ZNF148: variants seen among roughly 807,000 people sequenced by gnomAD.
The protein encoded by ZNF148 is Beta-Enolase Repressor Factor-1.
In ZNF148, 7 loss-of-function variants were observed where a neutral mutation model predicts 67.7. The observed-to-expected ratio is 0.10, with a 90% CI of 0.06 to 0.19. The LOEUF (loss-of-function observed/expected upper bound fraction) is 0.19. ZNF148 is among the 10% of genes least tolerant of loss of function. The pLI is 1.00. For missense variants in ZNF148, 583 were observed against 947.1 expected (o/e 0.62, Z 5.05); for synonymous variants, 333 against 330.7 (o/e 1.01, Z -0.08).
At chr3:125,343,644 A>G (rs1481468532) in intron 1 of ZNF148, among the ~76,000 whole-genome samples, 3 of 152,176 alleles carry the variant, frequency 2.0e-5, no homozygotes, top group Non-Finnish European at 4.4e-5. Context: ...TAGCACAGAA[A>G]CAGAACATGG....
intron 4 of ZNF148, among the ~76,000 whole-genome samples, chr3:125,298,346 TACACACACACACAC>T (rs141809192): frequency 2.7e-5 from 4 of 145,654 alleles, no homozygotes; most frequent in African/African-American, 1.0e-4. Flanking sequence ...TAAATGTGCA[TACACACACACACAC>T]ACACACACAC....
At position 125,355,161 on chromosome 3, in the gene ZNF148, C is replaced by G. The variant is rs984070273; in HGVS notation, c.-234+19941G>C. On this transcript the variant is annotated intron_variant, in intron 1 of 8. Transcript: ENST00000360647. Reference sequence around the variant, plus strand: ...AATGTTCTAATATATACTTCATAACCTTTGACCCATGATCATTCTAATGAC... The same window carrying G: ...AATGTTCTAATATATACTTCATAACGTTTGACCCATGATCATTCTAATGAC... Among the ~76,000 whole-genome samples, 16 of 152,168 alleles carry G rather than the reference C, an allele frequency of 1.1e-4. 1 individual carries two copies. The highest frequency in any genetic ancestry group is 3.4e-4 in the African/African-American group (14 of 41,454).
chr3:125,273,276 AG>A (rs1937857062), intron 7 of ZNF148, among the ~76,000 whole-genome samples: 2 of 152,204 alleles, frequency 1.3e-5, no homozygotes, highest in Non-Finnish European at 2.9e-5. Flanking sequence ...TGTGAATAAA[AG>A]TCATAGTAAA....
chr3:125,235,624 A>C (rs1936049054), intron 7 of ZNF148, among the ~76,000 whole-genome samples: 1 of 152,142 alleles, frequency 6.6e-6, no homozygotes, highest in Admixed American at 6.5e-5. Context: ...TCATTGAGTT[A>C]AACTTTTTTT....
At chr3:125,359,392 T>C (rs1406071953) in intron 1 of ZNF148, among the ~76,000 whole-genome samples, 3 of 152,220 alleles carry the variant, frequency 2.0e-5, no homozygotes, top group Non-Finnish European at 4.4e-5. Flanking sequence ...TGTTTCTACA[T>C]TAAATATGCT....
intron 7 of ZNF148, among the ~76,000 whole-genome samples, chr3:125,273,029 T>A (rs1937841079): frequency 6.6e-6 from 1 of 152,218 alleles, no homozygotes; most frequent in African/African-American, 2.4e-5. Flanking sequence ...TTTAACATTT[T>A]CTTTCATAAG....
intron 1 of ZNF148, chr3:125,339,017 G>T (rs1941610547): frequency 6.6e-6 from 1 of 152,180 alleles, no homozygotes. Context: ...ATACTAAGAA[G>T]TAGCTGCAAA....
intron 7 of ZNF148, among the ~76,000 whole-genome samples, chr3:125,262,477 T>C (rs1937390492): frequency 6.6e-6 from 1 of 152,216 alleles, no homozygotes. Context: ...AGGAAGTACA[T>C]AAAACAGCAT....
chr3:125,292,876 G>C (rs1393193721), intron 4 of ZNF148: 1 of 152,046 alleles, frequency 6.6e-6, no homozygotes. Context: ...TTTTACAGAG[G>C]CTAATTAAAA....
chr3:125,323,486 G>A, intron 2 of ZNF148, 42 bp from the exon 3 acceptor site: 2 of 643,740 alleles, frequency 3.1e-6, no homozygotes, highest in Non-Finnish European at 5.5e-6. Flanking sequence ...TTTATGGTAG[G>A]AAAAGATACT....
At chr3:125,348,079 A>T (rs1463189027) in intron 1 of ZNF148, among the ~76,000 whole-genome samples, 1 of 145,934 alleles carries the variant, frequency 6.9e-6, no homozygotes, top group African/African-American at 2.6e-5. Context: ...ACATGGCAAA[A>T]CGTCATTTCT....
intron 7 of ZNF148, among the ~76,000 whole-genome samples, chr3:125,261,393 A>C (rs929439704): frequency 2.6e-5 from 4 of 152,236 alleles, no homozygotes; most frequent in Non-Finnish European, 4.4e-5. Flanking sequence ...TAACACAGTC[A>C]GGTGAATAAA....
At chr3:125,329,981 G>C (rs552485743) in intron 2 of ZNF148, among the ~76,000 whole-genome samples, 3 of 152,244 alleles carry the variant, frequency 2.0e-5, no homozygotes, top group African/African-American at 4.8e-5. Context: ...ACTGAATGGG[G>C]AAGGGTTGGA....
chr3:125,248,190 T>C (rs1343885369), intron 7 of ZNF148, among the ~76,000 whole-genome samples: 1 of 152,252 alleles, frequency 6.6e-6, no homozygotes. Context: ...AGTGAATTCT[T>C]ACCAAACACA....
At chr3:125,261,825 G>GC (rs35313913) in intron 7 of ZNF148, among the ~76,000 whole-genome samples, 5,807 of 138,932 alleles carry the variant, frequency 0.042, 321 homozygotes, top group South Asian at 0.073. Context: ...GGGTTGACAA[G>GC]TTTTTTTTTT....
intron 4 of ZNF148, among the ~76,000 whole-genome samples, chr3:125,304,145 G>C (rs1056224649): frequency 6.6e-6 from 1 of 152,072 alleles, no homozygotes; most frequent in Admixed American, 6.5e-5. Context: ...GGCCAAACAA[G>C]GTGTCAGATA....
At chr3:125,251,642 C>A (rs138249503) in intron 7 of ZNF148, among the ~76,000 whole-genome samples, 1 of 152,156 alleles carries the variant, frequency 6.6e-6, no homozygotes, top group Non-Finnish European at 1.5e-5. Context: ...GTAAGATTAA[C>A]CCACAATGAT....
Position 125,232,790 on chromosome 3 carries a change from T to C in ZNF148, c.1936A>G (p.Ile646Val). The C allele has an allele frequency of 1.9e-6, 3 of 1,613,862 alleles. No homozygotes were observed. The highest frequency in any genetic ancestry group is 2.5e-6 in the Non-Finnish European group (3 of 1,179,798). The part of the protein sequence containing the change: ...TLPNQPAFSS[I>V]DKQVYATMPI... ...ATGGTGGCATAGACCTGCTTGTCTA[T>C]GGAAGAGAATGCTGGCTGATTTGGG... Residue 646 changes from isoleucine (I) to valine (V), a missense_variant, in exon 9 of 9, where the codon ATA (isoleucine) becomes GTA (valine). Physicochemically the swap from Ile to Val is conservative, Grantham distance 29. Coordinates refer to ENST00000360647, the MANE Select transcript of ZNF148 (RefSeq NM_021964.3). This position sits in a 1 kb window ranked among gnomAD's most constrained non-coding sequence, Gnocchi z 4.2.
intron 1 of ZNF148, among the ~76,000 whole-genome samples, chr3:125,364,848 T>C (rs557929132): frequency 2.0e-4 from 31 of 152,336 alleles, no homozygotes; most frequent in African/African-American, 7.2e-4. Context: ...ATTTTTGAGA[T>C]AGTCTGCCTA....
Sources: gnomAD v4.1 joint callset for allele counts (sites outside exome capture counted in the v4.1 genomes callset) on GRCh38, gnomAD v4.1.1 for gene constraint, Gnocchi (gnomAD v3.1) non-coding constraint, MANE v1.5 for transcripts, NCBI Gene and HGNC (gene_info 2026-07-23, HGNC 2026-07-21) for gene names.